The following SH2D4A variants were observed in gnomAD, a reference collection of about 807,000 sequenced individuals.
SH2D4A encodes the protein SH2 domain-containing protein 4A.
Under a neutral mutation model 64.7 loss-of-function variants are expected in SH2D4A, and 70 were observed. The ratio of observed to expected loss-of-function variants is 1.08; its 90% CI spans 0.89 to 1.32. The LOEUF (loss-of-function observed/expected upper bound fraction) is 1.32. SH2D4A is among the 40% of genes most tolerant of loss of function. The pLI, the probability that SH2D4A is intolerant of heterozygous loss-of-function variation, is 0.00. For missense variants in SH2D4A, 706 were observed against 540.1 expected (o/e 1.31, Z -3.04); for synonymous variants, 268 against 200.7 (o/e 1.34, Z -2.83).
At chr8:19,357,036 C>G (rs2052802433) in intron 4 of SH2D4A, among the ~76,000 whole-genome samples, 167 bp from the exon 5 acceptor site, 1 of 152,160 alleles carries the variant, frequency 6.6e-6, no homozygotes, top group South Asian at 2.1e-4. Flanking sequence ...ATGCCCGTTG[C>G]TGTAGTCAGG....
At chr8:19,351,475 C>T (rs976918557) in intron 4 of SH2D4A, among the ~76,000 whole-genome samples, 3 of 151,906 alleles carry the variant, frequency 2.0e-5, no homozygotes, top group Admixed American at 6.6e-5. Flanking sequence ...TGCTGGCAGG[C>T]GCCTGTAGTC....
chr8:19,338,897 G>A (rs2052484715), intron 4 of SH2D4A, among the ~76,000 whole-genome samples: 1 of 152,186 alleles, frequency 6.6e-6, no homozygotes, highest in African/African-American at 2.4e-5. Context: ...AGGACTAATA[G>A]GATAGACGTA....
rs375777614 is a variant in SH2D4A at position 19,338,571 on chromosome 8, CAT to C, written c.513+3715_513+3716del. Among the ~76,000 whole-genome samples the C allele has an allele frequency of 1.5e-3, 227 of 152,244 alleles. 1 individual carries two copies. Among genetic ancestry groups the C allele is most frequent in the African/African-American group, 5.3e-3 (220 of 41,524 alleles). On this transcript the variant is annotated intron_variant, in intron 4 of 9. Transcript: ENST00000265807. ...GTGGCTATAGGATAATGATCAGAGA[CAT>C]GTGATGTTCCTGGCTTTGATGATGG...
At chr8:19,357,337 A>C in intron 5 of SH2D4A, 54 bp downstream of exon 5, 1 of 1,209,972 alleles carries the variant, frequency 8.3e-7, no homozygotes, top group South Asian at 1.2e-5. Flanking sequence ...CATTTCCACT[A>C]ATGTTTCACA....
intron 3 of SH2D4A, among the ~76,000 whole-genome samples, chr8:19,333,611 G>C (rs1416835043): frequency 6.6e-6 from 1 of 152,168 alleles, no homozygotes; most frequent in Non-Finnish European, 1.5e-5. Flanking sequence ...TGCCTACCCA[G>C]TGCAAGGTAC....
chr8:19,361,438 C>T, intron 6 of SH2D4A, 124 bp downstream of exon 6: 1 of 949,070 alleles, frequency 1.1e-6, no homozygotes, highest in Non-Finnish European at 1.4e-6. Flanking sequence ...AGTAAGTTAC[C>T]ACTCAAATGT....
intron 1 of SH2D4A, 39 bp from the exon 2 acceptor site, chr8:19,319,305 T>G (rs1265088873): frequency 8.5e-7 from 1 of 1,175,764 alleles, no homozygotes; most frequent in African/African-American, 1.6e-5. Context: ...TCCACACATT[T>G]TAACACGCTG....
chr8:19,319,720 C>G lies in SH2D4A; in HGVS notation c.173C>G (p.Pro58Arg). 1 of 1,579,966 alleles carries G rather than the reference C, an allele frequency of 6.3e-7. No homozygotes were observed. Among genetic ancestry groups the G allele is most frequent in the Non-Finnish European group, 8.6e-7 (1 of 1,167,278 alleles). The change falls in exon 2 of 10, where the codon CCA becomes CGA. Residue 58 changes from proline to arginine, a missense_variant. Coordinates refer to ENST00000265807, the MANE Select transcript of SH2D4A (RefSeq NM_022071.4). ...RKESLPVKPR[P>R]KKENGKSVHW... ...GAGTCCCTGCCAGTGAAACCCAGAC[C>G]AAAGAAAGGTAAACTTATCCACGTT...
chr8:19,375,531 G>A (rs559459707), intron 8 of SH2D4A: 1 of 152,194 alleles, frequency 6.6e-6, no homozygotes, highest in East Asian at 1.9e-4. Flanking sequence ...GATGTGAGTG[G>A]GTAGGAGAGG....
intron 8 of SH2D4A, among the ~76,000 whole-genome samples, chr8:19,387,364 A>ATGTTGCCCAGGCT (rs2053408288): frequency 7.1e-6 from 1 of 141,652 alleles, no homozygotes; most frequent in African/African-American, 2.7e-5. Context: ...GGGTCTTGCC[A>ATGTTGCCCAGGCT]AGCTGGAAAT....
intron 8 of SH2D4A, 112 bp from the exon 9 acceptor site, chr8:19,393,203 CTTA>C: frequency 1.1e-6 from 1 of 886,546 alleles, no homozygotes; most frequent in Non-Finnish European, 1.8e-6. Context: ...TAAAATTGCT[CTTA>C]TTGTGTCTTA....
intron 3 of SH2D4A, 76 bp from the exon 4 acceptor site, chr8:19,334,610 A>T: frequency 6.9e-7 from 1 of 1,456,506 alleles, no homozygotes; most frequent in Non-Finnish European, 9.2e-7. Flanking sequence ...CATAATTTGA[A>T]TGTCGACATA....
At chr8:19,361,160 GTT>G (rs2052878194) in intron 5 of SH2D4A, 41 bp from the exon 6 acceptor site, 2 of 1,259,642 alleles carry the variant, frequency 1.6e-6, no homozygotes, top group Non-Finnish European at 1.1e-6. Context: ...TTCTTTTTTT[GTT>G]TTGTTTTGTT....
At position 19,320,961 on chromosome 8, in the gene SH2D4A, G is replaced by A. The variant is rs1420316368; in HGVS notation, c.181+1233G>A. ...GGTTCACAAAGGAGGTCAGTGTAGC[G>A]TCCTTTACTTTTTACTGTCTTTTAT... On this transcript the variant is annotated intron_variant, in intron 2 of 9. Transcript: ENST00000265807. Among the ~76,000 whole-genome samples, 4 of 152,156 alleles carry A rather than the reference G, an allele frequency of 2.6e-5. 1 individual carries two copies. Among genetic ancestry groups the A allele is most frequent in the Admixed American group, 2.0e-4 (3 of 15,280 alleles).
intron 8 of SH2D4A, among the ~76,000 whole-genome samples, chr8:19,379,550 G>T (rs576764034): frequency 8.2e-4 from 125 of 152,262 alleles, no homozygotes; most frequent in African/African-American, 2.9e-3. Flanking sequence ...GGAATTTCAG[G>T]ATTATAGGGT....
intron 3 of SH2D4A, 118 bp downstream of exon 3, chr8:19,333,232 C>CAA: frequency 8.7e-7 from 1 of 1,153,240 alleles, no homozygotes; most frequent in Non-Finnish European, 1.2e-6. Context: ...TGGAGGGTCA[C>CAA]AAAAGTCACT....
intron 6 of SH2D4A, chr8:19,363,805 ACTT>A (rs1376214603): frequency 6.3e-6 from 3 of 475,344 alleles, no homozygotes; most frequent in Non-Finnish European, 7.6e-6. Context: ...CACTTTCTCT[ACTT>A]CTCTCTCATC....
At chr8:19,345,955 C>T (rs2052606782) in intron 4 of SH2D4A, among the ~76,000 whole-genome samples, 1 of 152,220 alleles carries the variant, frequency 6.6e-6, no homozygotes, top group Non-Finnish European at 1.5e-5. Context: ...CTGCTACAGG[C>T]TTTGGAAACC....
intron 7 of SH2D4A, among the ~76,000 whole-genome samples, chr8:19,369,997 T>C (rs185242078): frequency 6.6e-6 from 1 of 152,236 alleles, no homozygotes; most frequent in African/African-American, 2.4e-5. Context: ...CCATAGGATT[T>C]GGTATGTTGT....
Sources: allele counts gnomAD v4.1 joint callset (sites outside exome capture counted in the v4.1 genomes callset), GRCh38; gene constraint gnomAD v4.1.1; transcripts MANE v1.5; gene names NCBI Gene and HGNC (gene_info 2026-07-23, HGNC 2026-07-21).